ARHGEF4: variants seen among roughly 807,000 people sequenced by gnomAD.
ARHGEF4 encodes APC-stimulated guanine nucleotide exchange factor 1.
A neutral mutation model predicts 162.0 loss-of-function variants in ARHGEF4; 119 were observed. That is an observed-to-expected ratio of 0.73 (90% CI 0.63 to 0.86). The LOEUF is 0.86. Ranked by LOEUF, ARHGEF4 falls within the 40% of genes least tolerant of loss-of-function variation. The pLI, the probability that ARHGEF4 is intolerant of heterozygous loss-of-function variation, is 0.00. For synonymous variants in ARHGEF4, 1,014 were observed against 979.9 expected, an observed-to-expected ratio of 1.03 and a Z score of -0.65; for missense variants, 2,488 against 2,456.0, an observed-to-expected ratio of 1.01 and a Z score of -0.28.
At chr2:130,926,930 G>A (rs1405813983) in intron 2 of ARHGEF4, among the ~76,000 whole-genome samples, 2 of 145,164 alleles carry the variant, frequency 1.4e-5, no homozygotes, top group African/African-American at 5.1e-5. Context: ...GAAGTTTATG[G>A]TGGGGTTGGA....
intron 4 of ARHGEF4, among the ~76,000 whole-genome samples, chr2:130,952,096 T>C (rs758787336): frequency 5.1e-4 from 78 of 152,192 alleles, no homozygotes; most frequent in Non-Finnish European, 1.0e-3. Flanking sequence ...TATAATTACA[T>C]CATTACCTTT....
chr2:131,038,234 C>T (rs1352778168), intron 5 of ARHGEF4, among the ~76,000 whole-genome samples: 4 of 151,750 alleles, frequency 2.6e-5, no homozygotes, highest in Admixed American at 6.6e-5. Flanking sequence ...GCCCCTCCCT[C>T]CTGCAGCCTT....
At position 130,916,177 on chromosome 2, in the gene ARHGEF4, C is replaced by T. The variant is rs2105057061; in HGVS notation, c.2231C>T (p.Ser744Phe). The T allele has an allele frequency of 6.5e-7, 1 of 1,548,574 alleles. No homozygotes were observed. The highest frequency in any genetic ancestry group is 1.4e-5 in the African/African-American group (1 of 73,100). ...GERLRGESRS[S>F]GSGERGPEEA... ...AGACTGCGTGGGGAGAGCCGGAGCT[C>T]CGGGTCAGGGGAGCGTGGCCCGGAG... is the stretch of plus-strand genomic sequence containing the variant. Residue 744 changes from serine to phenylalanine, a missense_variant, in exon 2 of 14, where the codon TCC becomes TTC. Coordinates refer to ENST00000409359, the MANE Select transcript of ARHGEF4 (RefSeq NM_001367493.1).
chr2:130,894,258 A>G (rs890945965), intron 1 of ARHGEF4, among the ~76,000 whole-genome samples: 3 of 152,208 alleles, frequency 2.0e-5, no homozygotes, highest in Non-Finnish European at 4.4e-5. Context: ...GCGCTCACCC[A>G]TGTTCATGGG....
intron 3 of ARHGEF4, among the ~76,000 whole-genome samples, chr2:130,936,349 A>G (rs947566010): frequency 2.6e-5 from 4 of 152,204 alleles, no homozygotes; most frequent in Non-Finnish European, 5.9e-5. Flanking sequence ...GTTTGTAGGT[A>G]CGTATGTTTG....
rs937123257 is a variant in ARHGEF4 at position 130,950,922 on chromosome 2, A to G, written c.3985+4287A>G. 3.9e-5 allele frequency among the ~76,000 whole-genome samples: 6 copies of G among 152,168 alleles called. No individual in the cohort carries two copies. In the East Asian group the frequency reaches 1.2e-3, roughly 29 times the overall value. ...TACACCACAGTTTGCTTATTTATTC[A>G]TCCACTGATGAGCAATTGGATTACT... On this transcript the variant is annotated intron_variant, in intron 4 of 13. Transcript: ENST00000409359.
chr2:130,992,176 A>T (rs76259915), intron 4 of ARHGEF4, among the ~76,000 whole-genome samples: 25 of 152,198 alleles, frequency 1.6e-4, no homozygotes, highest in African/African-American at 5.8e-4. Flanking sequence ...TAAACGCACC[A>T]ATCAGCGCCC....
At chr2:130,953,799 A>G (rs1684103160) in intron 4 of ARHGEF4, among the ~76,000 whole-genome samples, 1 of 152,270 alleles carries the variant, frequency 6.6e-6, no homozygotes, top group African/African-American at 2.4e-5. Context: ...GACACATGAA[A>G]AAATGTTCAT....
chr2:130,938,417 C>T (rs975817009), intron 3 of ARHGEF4, among the ~76,000 whole-genome samples: 8 of 152,200 alleles, frequency 5.3e-5, no homozygotes, highest in East Asian at 1.9e-4. Flanking sequence ...GGTTCTAAGG[C>T]GCCATAATGT....
chr2:131,019,077 T>G (rs1688933580), intron 4 of ARHGEF4, among the ~76,000 whole-genome samples: 1 of 152,164 alleles, frequency 6.6e-6, no homozygotes, highest in African/African-American at 2.4e-5. Context: ...CCCTTGAGAT[T>G]CCATGTGAAT....
chr2:130,932,751 A>G (rs1349166048), intron 3 of ARHGEF4, among the ~76,000 whole-genome samples: 1 of 152,020 alleles, frequency 6.6e-6, no homozygotes, highest in Admixed American at 6.6e-5. Context: ...TAAGAGTTTT[A>G]TACCTTTCGC....
chr2:131,034,853 G>C (rs1290227933), intron 5 of ARHGEF4: 1 of 374,626 alleles, frequency 2.7e-6, no homozygotes, highest in African/African-American at 2.2e-5. Flanking sequence ...GAGCCGCCGC[G>C]GTCCCTCTGA....
In ARHGEF4 at chr2:131,040,303, G is replaced by A. The variant is rs781105005; in HGVS notation, c.4525G>A (p.Glu1509Lys). The change falls in exon 8 of 14, where the codon GAG becomes AAG. Residue 1509 changes from glutamate to lysine, a missense_variant. Glu to Lys is a moderately conservative substitution (Grantham distance 56, BLOSUM62 1). Around this residue, in one of 6 missense-constraint regions of ARHGEF4, gnomAD observed 415 missense variants for 512.4 expected, o/e 0.81. Transcript: ENST00000409359. The part of the protein sequence containing the change: ...QCRKRADMFS[E>K]EQLRTIFGNI... ...CCGCAAGCGCGCAGACATGTTCAGC[G>A]AGGAGCAGCTGCGTACCATCTTCGG... 36 of 1,612,942 alleles carry A rather than the reference G, an allele frequency of 2.2e-5. No individual in the cohort carries two copies. The highest frequency in any genetic ancestry group is 2.8e-5 in the Non-Finnish European group (33 of 1,179,846).
intron 1 of ARHGEF4, among the ~76,000 whole-genome samples, chr2:130,841,975 G>A (rs765965179): frequency 2.0e-5 from 3 of 152,210 alleles, no homozygotes; most frequent in Non-Finnish European, 4.4e-5. Flanking sequence ...CAGGGTCGGG[G>A]ACACTCCAAA....
chr2:131,035,138 ACGCCCTGCG>A (rs1183177523), intron 5 of ARHGEF4: 12 of 1,191,838 alleles, frequency 1.0e-5, no homozygotes, highest in Admixed American at 9.0e-5. Flanking sequence ...GCGCCCGGGA[ACGCCCTGCG>A]CGCCCTGCTG....
Position 130,940,039 on chromosome 2 carries a change from G to A in ARHGEF4, c.3859-6470G>A, listed in dbSNP as rs554418433. Among the ~76,000 whole-genome samples the A allele has an allele frequency of 8.5e-5, 13 of 152,236 alleles. 1 individual carries two copies. Among genetic ancestry groups the A allele is most frequent in the Admixed American group, 5.9e-4 (9 of 15,292 alleles). On this transcript the variant is annotated intron_variant, in intron 3 of 13. Transcript: ENST00000409359. ...CAACCATATCACCTTAAAATGGGGG[G>A]CAGGGGGTATTTCTTCCTTTCTAGT...
intron 4 of ARHGEF4, among the ~76,000 whole-genome samples, chr2:131,024,413 C>CT (rs56034388): frequency 0.84 from 128,354 of 152,014 alleles, 56,807 homozygotes; most frequent in Non-Finnish European, 0.98. Context: ...GTAGCTAGGA[C>CT]TACAGGTGTG....
At position 130,935,631 on chromosome 2, in the gene ARHGEF4, G is replaced by A. The variant is rs6754369; in HGVS notation, c.3858+4374G>A. ...TGTGATTTCTTCTTTTCTTTCTTGT[G>A]AAATCTTATGATTTCTTCTTTGACT... On this transcript the variant is annotated intron_variant, in intron 3 of 13. Transcript: ENST00000409359. Among the ~76,000 whole-genome samples the A allele has an allele frequency of 2.3e-3, 355 of 152,108 alleles. 2 individuals carry two copies. The highest frequency in any genetic ancestry group is 8.1e-3 in the African/African-American group (336 of 41,490).
intron 5 of ARHGEF4, among the ~76,000 whole-genome samples, chr2:131,037,145 C>T (rs1690356256): frequency 6.6e-6 from 1 of 152,206 alleles, no homozygotes; most frequent in Admixed American, 6.5e-5. Context: ...TCTGCAGCCC[C>T]CGCGTGGCTG....
Sources: allele counts gnomAD v4.1 joint callset (sites outside exome capture counted in the v4.1 genomes callset), GRCh38; gene constraint gnomAD v4.1.1; regional missense constraint gnomAD v4.1.1; transcripts MANE v1.5; gene names NCBI Gene and HGNC (gene_info 2026-07-23, HGNC 2026-07-21).